Variants in THEMIS observed in about 807,000 individuals in gnomAD.
The protein encoded by THEMIS is protein THEMIS.
A neutral mutation model predicts 52.6 loss-of-function variants in THEMIS; 37 were observed. The ratio of observed to expected loss-of-function variants is 0.70; its 90% CI spans 0.54 to 0.93. THEMIS has a LOEUF of 0.93. Ranked by LOEUF, THEMIS falls within the 40% of genes least tolerant of loss-of-function variation. The pLI is 0.00. For synonymous variants in THEMIS, 292 were observed against 272.7 expected (o/e 1.07, Z -0.70); for missense variants, 808 against 763.1 (o/e 1.06, Z -0.69).
chr6:127,762,628 A>G (rs1408810141), intron 4 of THEMIS, among the ~76,000 whole-genome samples: 1 of 152,066 alleles, frequency 6.6e-6, no homozygotes, highest in African/African-American at 2.4e-5. Flanking sequence ...CTTCTCTCAG[A>G]AGTAGACATG....
intron 1 of THEMIS, among the ~76,000 whole-genome samples, chr6:127,885,671 A>T (rs1022134133): frequency 3.3e-5 from 5 of 152,150 alleles, no homozygotes; most frequent in African/African-American, 1.2e-4. Context: ...AAATAGTATA[A>T]TATTTAATAC....
At chr6:127,827,889 T>C (rs1778561226) in intron 3 of THEMIS, among the ~76,000 whole-genome samples, 1 of 152,172 alleles carries the variant, frequency 6.6e-6, no homozygotes, top group African/African-American at 2.4e-5. Flanking sequence ...TCTTAGTATA[T>C]ACTTCAAGAC....
chr6:127,868,989 G>C (rs1463973116), intron 1 of THEMIS, among the ~76,000 whole-genome samples: 1 of 152,058 alleles, frequency 6.6e-6, no homozygotes, highest in East Asian at 1.9e-4. Flanking sequence ...TGTGTTAGAA[G>C]AAAATATATT....
chr6:127,868,712 A>G (rs1441644531), intron 1 of THEMIS, among the ~76,000 whole-genome samples: 6 of 152,160 alleles, frequency 3.9e-5, no homozygotes, highest in Admixed American at 3.9e-4. Flanking sequence ...ATGGTTCAGG[A>G]GCACTCTTAA....
chr6:127,755,741 T>C (rs1302390939), intron 4 of THEMIS, among the ~76,000 whole-genome samples: 1 of 152,004 alleles, frequency 6.6e-6, no homozygotes, highest in Non-Finnish European at 1.5e-5. Context: ...TTTAAAAAAT[T>C]AGGAATTTCA....
At chr6:127,787,138 C>T (rs1776975712) in intron 4 of THEMIS, among the ~76,000 whole-genome samples, 1 of 152,180 alleles carries the variant, frequency 6.6e-6, no homozygotes, top group African/African-American at 2.4e-5. Flanking sequence ...TTAACCATTG[C>T]ATCTTCCAGA....
chr6:127,834,550 C>A (rs1778812138), intron 2 of THEMIS, among the ~76,000 whole-genome samples: 1 of 151,974 alleles, frequency 6.6e-6, no homozygotes, highest in Non-Finnish European at 1.5e-5. Context: ...TGTCACTGCA[C>A]TCCAGCCTGG....
intron 1 of THEMIS, among the ~76,000 whole-genome samples, chr6:127,879,489 T>C (rs940395030): frequency 6.6e-6 from 1 of 151,968 alleles, no homozygotes; most frequent in African/African-American, 2.4e-5. Context: ...AGATAATTGT[T>C]GCTCCTGTTA....
chr6:127,814,505 C>A (rs1305092132), intron 3 of THEMIS, among the ~76,000 whole-genome samples: 1 of 152,068 alleles, frequency 6.6e-6, no homozygotes, highest in Non-Finnish European at 1.5e-5. Flanking sequence ...AAGATACAAG[C>A]TACTTGAGAT....
intron 4 of THEMIS, among the ~76,000 whole-genome samples, chr6:127,771,522 G>A (rs1776383968): frequency 1.3e-5 from 2 of 151,976 alleles, no homozygotes; most frequent in South Asian, 4.1e-4. Context: ...TATACTACAA[G>A]GCTACAGTAA....
At chr6:127,845,884 T>C (rs1562296047) in intron 2 of THEMIS, among the ~76,000 whole-genome samples, 3 of 151,892 alleles carry the variant, frequency 2.0e-5, no homozygotes, top group Admixed American at 6.6e-5. Context: ...ACATGAGTAA[T>C]TTTAAACACA....
At chr6:127,869,681 G>T (rs1780095993) in intron 1 of THEMIS, among the ~76,000 whole-genome samples, 1 of 152,142 alleles carries the variant, frequency 6.6e-6, no homozygotes, top group Non-Finnish European at 1.5e-5. Context: ...ACCATCATAT[G>T]TTCCAGATTT....
intron 4 of THEMIS, among the ~76,000 whole-genome samples, chr6:127,784,994 TCTATCTATCTATTATC>T (rs1341240927): frequency 3.0e-4 from 30 of 101,600 alleles, no homozygotes; most frequent in Non-Finnish European, 4.0e-4. Flanking sequence ...TATCTATCTA[TCTATCTATCTATTATC>T]TATCTATCTA....
intron 4 of THEMIS, among the ~76,000 whole-genome samples, chr6:127,748,721 A>G (rs1014830119): frequency 6.6e-6 from 1 of 152,120 alleles, no homozygotes; most frequent in African/African-American, 2.4e-5. Context: ...AAGACTTTAA[A>G]GTTTTTAATC....
At chr6:127,795,342 T>G (rs1777291677) in intron 4 of THEMIS, among the ~76,000 whole-genome samples, 1 of 152,184 alleles carries the variant, frequency 6.6e-6, no homozygotes, top group South Asian at 2.1e-4. Context: ...TTATTATTAT[T>G]TTTTGAGATG....
rs193104730 is a variant in THEMIS at position 127,853,934 on chromosome 6, T to C, written c.250+1096A>G. On this transcript the variant is annotated intron_variant, in intron 2 of 5. Coordinates refer to ENST00000368248, the MANE Select transcript of THEMIS (RefSeq NM_001010923.3). ...CCCTGTTCTGAAACACAACCAACTA[T>C]AGTCTGATATTCCTTTTCAAGCCCC... Among the ~76,000 whole-genome samples, 12 of 151,752 alleles carry C rather than the reference T, an allele frequency of 7.9e-5. No individual in the cohort carries two copies. The East Asian group carries it at 1.2e-3, about 15-fold the overall frequency.
chr6:127,820,066 C>T (rs1012114730), intron 3 of THEMIS, among the ~76,000 whole-genome samples: 2 of 151,908 alleles, frequency 1.3e-5, no homozygotes, highest in Admixed American at 6.6e-5. Context: ...GTACTCATGA[C>T]GTTATTTGTG....
At chr6:127,869,255 A>G (rs1028316781) in intron 1 of THEMIS, among the ~76,000 whole-genome samples, 1 of 152,224 alleles carries the variant, frequency 6.6e-6, no homozygotes, top group Non-Finnish European at 1.5e-5. Flanking sequence ...CACTTAATAC[A>G]TATAACCTAT....
chr6:127,898,498 T>C (rs1023526438), intron 1 of THEMIS, among the ~76,000 whole-genome samples: 4 of 151,660 alleles, frequency 2.6e-5, no homozygotes, highest in Non-Finnish European at 4.4e-5. Flanking sequence ...TAAAAAATAA[T>C]GGATGTTTGA....
Sources: allele counts gnomAD v4.1 joint callset (sites outside exome capture counted in the v4.1 genomes callset), GRCh38; gene constraint gnomAD v4.1.1; transcripts MANE v1.5; gene names NCBI Gene and HGNC (gene_info 2026-07-23, HGNC 2026-07-21).